CHRM3: variants seen among roughly 807,000 people sequenced by gnomAD.
The protein encoded by CHRM3 is cholinergic receptor muscarinic 3.
CHRM3 carries 11 observed loss-of-function variants against 41.8 expected under a neutral mutation model. The ratio of observed to expected loss-of-function variants is 0.26; its 90% CI spans 0.17 to 0.44. The LOEUF (loss-of-function observed/expected upper bound fraction) is 0.44. CHRM3 is among the 20% of genes least tolerant of loss of function. CHRM3 has a pLI of 1.00. For missense variants in CHRM3, 571 were observed against 745.4 expected (o/e 0.77, Z 2.72); for synonymous variants, 297 against 301.4 (o/e 0.99, Z 0.15).
intron 1 of CHRM3, among the ~76,000 whole-genome samples, chr1:239,487,443 G>A (rs61834725): frequency 0.018 from 2,663 of 152,168 alleles, 36 homozygotes; most frequent in Non-Finnish European, 0.028. Flanking sequence ...TTAACACTTA[G>A]ATTTTGGGAG....
intron 5 of CHRM3, among the ~76,000 whole-genome samples, chr1:239,700,324 C>G (rs1660569867): frequency 6.6e-6 from 1 of 152,080 alleles, no homozygotes. Flanking sequence ...CAGCAGGTAT[C>G]CATTTAATGT....
At chr1:239,414,161 C>T (rs1032782190) in intron 1 of CHRM3, among the ~76,000 whole-genome samples, 4 of 152,190 alleles carry the variant, frequency 2.6e-5, no homozygotes, top group Admixed American at 2.6e-4. Context: ...AATGTTGGGG[C>T]TCTGGCGTGC....
chr1:239,898,323 G>T (rs973085142), intron 6 of CHRM3: 1 of 152,190 alleles, frequency 6.6e-6, no homozygotes, highest in African/African-American at 2.4e-5. Context: ...AGTCTGCTTT[G>T]CCACCTAGTG....
At chr1:239,506,785 G>A (rs1158853716) in intron 2 of CHRM3, among the ~76,000 whole-genome samples, 1 of 152,138 alleles carries the variant, frequency 6.6e-6, no homozygotes. Context: ...CAGCCAGGAG[G>A]GGGCTGTACC....
At chr1:239,690,427 C>T (rs1276836753) in intron 5 of CHRM3, among the ~76,000 whole-genome samples, 1 of 151,886 alleles carries the variant, frequency 6.6e-6, no homozygotes, top group Non-Finnish European at 1.5e-5. Context: ...AGACGGGTTT[C>T]ACCACGTTGG....
intron 1 of CHRM3, among the ~76,000 whole-genome samples, chr1:239,474,312 C>T (rs1572421592): frequency 6.6e-6 from 1 of 152,008 alleles, no homozygotes; most frequent in East Asian, 1.9e-4. Context: ...TTTGGTAGTT[C>T]TTTTGCCTCA....
intron 6 of CHRM3, among the ~76,000 whole-genome samples, chr1:239,867,784 C>T (rs934589157): frequency 6.6e-6 from 1 of 151,914 alleles, no homozygotes; most frequent in African/African-American, 2.4e-5. Context: ...CTGGCTATAA[C>T]CATTTCTGTT....
At chr1:239,806,788 A>G (rs1670690370) in intron 5 of CHRM3, among the ~76,000 whole-genome samples, 1 of 152,364 alleles carries the variant, frequency 6.6e-6, no homozygotes, top group East Asian at 1.9e-4. Flanking sequence ...AGAATAGGCA[A>G]TGCTGGCCAA....
chr1:239,671,927 T>A (rs1015113773), intron 4 of CHRM3, among the ~76,000 whole-genome samples: 5 of 152,194 alleles, frequency 3.3e-5, no homozygotes, highest in Non-Finnish European at 7.3e-5. Context: ...TCATGCTTCC[T>A]TGCTGAATTT....
chr1:239,392,732 C>G lies in CHRM3; in HGVS notation c.-521+5505C>G, dbSNP rs1050779061. On this transcript the variant is annotated intron_variant, in intron 1 of 6. Transcript: ENST00000676153. ...TACCATAGGTAGCTATGGCTATAGACATAGATACATATAAAAATATTCTGT... is the reference window on the plus strand; with the variant it reads ...TACCATAGGTAGCTATGGCTATAGAGATAGATACATATAAAAATATTCTGT... Among the ~76,000 whole-genome samples, 102 of 152,250 alleles carry G rather than the reference C, an allele frequency of 6.7e-4. 1 individual carries two copies. The highest frequency in any genetic ancestry group is 2.3e-3 in the African/African-American group (97 of 41,526).
intron 2 of CHRM3, among the ~76,000 whole-genome samples, chr1:239,539,011 C>T (rs766911029): frequency 4.6e-5 from 7 of 152,122 alleles, no homozygotes; most frequent in Non-Finnish European, 7.4e-5. Flanking sequence ...GAAAACTGAG[C>T]TACAATGTGC....
chr1:239,531,944 C>A (rs1200970989), intron 2 of CHRM3, among the ~76,000 whole-genome samples: 4 of 150,300 alleles, frequency 2.7e-5, no homozygotes, highest in Non-Finnish European at 3.0e-5. Context: ...CAGGCTCGAG[C>A]CGCCGTGCCT....
chr1:239,775,918 G>T (rs1668050839), intron 5 of CHRM3, among the ~76,000 whole-genome samples: 2 of 152,298 alleles, frequency 1.3e-5, no homozygotes, highest in South Asian at 4.1e-4. Flanking sequence ...TTCTGGGAAA[G>T]ATTGATTTGA....
chr1:239,805,351 C>G (rs1042910190), intron 5 of CHRM3, among the ~76,000 whole-genome samples: 1 of 152,136 alleles, frequency 6.6e-6, no homozygotes, highest in Non-Finnish European at 1.5e-5. Flanking sequence ...CCATTTCACT[C>G]GGGACCCTTC....
chr1:239,874,299 A>ATATATATCTATATACACAGTG (rs1553291951), intron 6 of CHRM3, among the ~76,000 whole-genome samples: 3,001 of 116,618 alleles, frequency 0.026, 153 homozygotes, highest in Middle Eastern at 0.041. Flanking sequence ...ATATATATAT[A>ATATATATCTATATACACAGTG]TATATATATA....
intron 5 of CHRM3, among the ~76,000 whole-genome samples, chr1:239,751,387 G>T (rs1012151098): frequency 6.6e-5 from 10 of 151,938 alleles, no homozygotes; most frequent in South Asian, 2.1e-4. Flanking sequence ...TTATTCTAGG[G>T]GAAAATACGA....
At chr1:239,865,733 T>C (rs545667103) in intron 6 of CHRM3, among the ~76,000 whole-genome samples, 1 of 152,314 alleles carries the variant, frequency 6.6e-6, no homozygotes, top group African/African-American at 2.4e-5. Context: ...TGGACCAGGC[T>C]TGAGGGAGCT....
intron 1 of CHRM3, among the ~76,000 whole-genome samples, chr1:239,438,231 G>T (rs1382351817): frequency 2.0e-5 from 3 of 152,002 alleles, no homozygotes; most frequent in Non-Finnish European, 4.4e-5. Flanking sequence ...AGTTAAGAAA[G>T]ATTTACTCTA....
intron 1 of CHRM3, among the ~76,000 whole-genome samples, chr1:239,427,450 T>C (rs1443542769): frequency 2.6e-5 from 4 of 151,952 alleles, no homozygotes; most frequent in African/African-American, 9.7e-5. Flanking sequence ...TTAGCCTCAG[T>C]AGAGGAACTT....
Sources: gnomAD v4.1 joint callset for allele counts (sites outside exome capture counted in the v4.1 genomes callset) on GRCh38, gnomAD v4.1.1 for gene constraint, MANE v1.5 for transcripts, NCBI Gene and HGNC (gene_info 2026-07-23, HGNC 2026-07-21) for gene names.